Variants in CES3 observed in about 807,000 individuals in gnomAD.
CES3 encodes carboxylesterase 3 (brain).
CES3 carries 49 observed loss-of-function variants against 57.6 expected under a neutral mutation model. That is an observed-to-expected ratio of 0.85 (90% CI 0.68 to 1.08). The LOEUF is 1.08. Ranked by LOEUF, CES3 falls within the 50% of genes least tolerant of loss-of-function variation. The pLI, the probability that CES3 is intolerant of heterozygous loss-of-function variation, is 0.00. For missense variants in CES3, 645 were observed against 742.0 expected, an observed-to-expected ratio of 0.87 and a Z score of 1.52; for synonymous variants, 266 against 281.6, an observed-to-expected ratio of 0.94 and a Z score of 0.55.
At position 66,971,384 on chromosome 16, in the gene CES3, G is replaced by A. The variant is rs1019259914; in HGVS notation, c.1291+65G>A. On this transcript the variant is annotated intron_variant, in intron 10 of 12. Transcript: ENST00000303334. ...TGGGCCCAGGAGCTGGGTCATCACA[G>A]GTGACATGGCATGATAGGGTGCTGG... 7.1e-6 allele frequency: 11 copies of A among 1,547,690 alleles called. No homozygotes were observed. The African/African-American group carries it at 9.5e-5, about 13-fold the overall frequency.
chr16:66,963,192 T>C lies in CES3; in HGVS notation c.96T>C (p.Ala32=), dbSNP rs1232119697. 6.2e-7 allele frequency: 1 copy of C among 1,614,094 alleles called. No homozygotes were observed. The highest frequency in any genetic ancestry group is 8.5e-7 in the Non-Finnish European group (1 of 1,180,048). The change falls in exon 2 of 13, where the codon GCT becomes GCC. Residue 32 remains alanine, a synonymous_variant. Coordinates refer to ENST00000303334, the MANE Select transcript of CES3 (RefSeq NM_024922.6). The surrounding 1 kb of genome is among the most constrained non-coding windows in gnomAD (Gnocchi z 4.9). ...TCCTTCCCTCAGGGCCCGAAGTTGC[T>C]CAGCCTGAAGTAGACACCACCCTGG... ...CPATATGPEV[A]QPEVDTTLGR... is the part of the protein sequence containing the mutation.
At chr16:66,969,549 G>A (rs1196512924) in intron 8 of CES3, 130 bp from the exon 9 acceptor site, 1 of 792,502 alleles carries the variant, frequency 1.3e-6, no homozygotes, top group Non-Finnish European at 2.1e-6. Flanking sequence ...GGACTTTTCG[G>A]CCCCATTTTG....
rs1412350860 is a variant in CES3, at chr16:66,973,640, A to G, written c.*591A>G. 1.3e-5 allele frequency: 2 copies of G among 154,650 alleles called. No homozygotes were observed. The highest frequency in any genetic ancestry group is 3.4e-3 in the Middle Eastern group (1 of 296). The allele number at this position is 154,650 out of a possible 1,614,324, so 9.6% of individuals were successfully genotyped here. A position where few individuals can be genotyped will look rare whatever the true frequency, so the allele number is the denominator to read the frequency against. On this transcript the variant is annotated 3_prime_UTR_variant, in exon 13 of 13. Coordinates refer to ENST00000303334, the MANE Select transcript of CES3 (RefSeq NM_024922.6). ...CCCACCGACATTGTCCACCCTGGCC[A>G]GAAGGGTGCATGCCAATGGCAGAGA...
chr16:66,970,886 C>T (rs956104483), intron 9 of CES3, among the ~76,000 whole-genome samples: 15 of 152,216 alleles, frequency 9.9e-5, no homozygotes, highest in African/African-American at 3.4e-4. Context: ...CCAGGCCAGA[C>T]CCTTTGCTGG....
chr16:66,971,119 G>C, intron 9 of CES3, 53 bp from the exon 10 acceptor site: 3 of 1,555,490 alleles, frequency 1.9e-6, no homozygotes. Context: ...TCCTGGGATG[G>C]TCTGCCACAT....
intron 10 of CES3, among the ~76,000 whole-genome samples, chr16:66,972,087 T>C (rs1208743185): frequency 6.6e-6 from 1 of 152,144 alleles, no homozygotes; most frequent in East Asian, 1.9e-4. Context: ...CAGTGAGCTG[T>C]GATCATGCCA....
rs773267575 is a variant in CES3 at position 66,963,767 on chromosome 16, G to T, written c.427-35G>T. On this transcript the variant is annotated intron_variant, in intron 3 of 12. Transcript: ENST00000303334. The surrounding 1 kb of genome is among the most constrained non-coding windows in gnomAD (Gnocchi z 4.9). ...CAGGTGGGCAGCTAAGGTCTCAGGA[G>T]CTTGGGGGTCAGTGCCCCATGGCCA... is the stretch of plus-strand genomic sequence containing the variant. The T allele has an allele frequency of 1.2e-6, 2 of 1,609,210 alleles. No individual in the cohort carries two copies.
chr16:66,972,751 G>A lies in CES3; in HGVS notation c.1520+5G>A, dbSNP rs958544327. 1 of 1,614,200 alleles carries A rather than the reference G, an allele frequency of 6.2e-7. No individual in the cohort carries two copies. Among genetic ancestry groups the A allele is most frequent in the African/African-American group, 1.3e-5 (1 of 75,046 alleles). ...GACCCACTTTGCCCGGACAGGGTGAGTGAGTGACAGGGCATAGCTCGCTTT... is the reference window on the plus strand; with the variant it reads ...GACCCACTTTGCCCGGACAGGGTGAATGAGTGACAGGGCATAGCTCGCTTT... On this transcript the variant is annotated splice_donor_5th_base_variant and intron_variant, in intron 12 of 12. Coordinates refer to ENST00000303334, the MANE Select transcript of CES3 (RefSeq NM_024922.6).
chr16:66,966,549 C>A, intron 7 of CES3, 176 bp from the exon 8 acceptor site: 1 of 848,010 alleles, frequency 1.2e-6, no homozygotes, highest in South Asian at 1.7e-5. Flanking sequence ...AGAAACTGGA[C>A]GCATCTGTTG....
intron 6 of CES3, among the ~76,000 whole-genome samples, chr16:66,965,251 G>A (rs1456988361): frequency 6.6e-6 from 1 of 152,224 alleles, no homozygotes; most frequent in African/African-American, 2.4e-5. Context: ...GCCATGCCTG[G>A]GAATCTGGAC....
At position 66,963,403 on chromosome 16, in the gene CES3, G is replaced by A. The variant is rs530733407; in HGVS notation, c.287+20G>A. The A allele has an allele frequency of 6.2e-6, 10 of 1,611,722 alleles. No individual in the cohort carries two copies. In the African/African-American group the frequency reaches 1.3e-4, roughly 21 times the overall value. Reference sequence around the variant, plus strand: ...CCCAATGTGAGTAGTGCTGGTGGAGGCGGGCAAACAGGCAGGTTGCAGGAG... The same window carrying A: ...CCCAATGTGAGTAGTGCTGGTGGAGACGGGCAAACAGGCAGGTTGCAGGAG... On this transcript the variant is annotated intron_variant, in intron 2 of 12. Transcript: ENST00000303334. The surrounding 1 kb of genome is among the most constrained non-coding windows in gnomAD (Gnocchi z 4.9).
intron 8 of CES3, among the ~76,000 whole-genome samples, chr16:66,967,114 GC>G (rs1447178864): frequency 6.6e-6 from 1 of 151,440 alleles, no homozygotes; most frequent in Non-Finnish European, 1.5e-5. Flanking sequence ...ACAGAGTCTC[GC>G]TCTGTCACCC....
intron 8 of CES3, among the ~76,000 whole-genome samples, chr16:66,968,522 C>G (rs1347952645): frequency 6.6e-6 from 1 of 152,186 alleles, no homozygotes; most frequent in Non-Finnish European, 1.5e-5. Context: ...GTCTTCATGT[C>G]CATGGCTTTT....
chr16:66,971,413 C>T (rs1963831698), intron 10 of CES3, 94 bp downstream of exon 10: 1 of 1,345,794 alleles, frequency 7.4e-7, no homozygotes, highest in African/African-American at 1.4e-5. Flanking sequence ...GTGCTGGTTC[C>T]CTCAATGCCT....
chr16:66,968,990 A>G (rs1963784597), intron 8 of CES3, among the ~76,000 whole-genome samples: 1 of 152,222 alleles, frequency 6.6e-6, no homozygotes, highest in African/African-American at 2.4e-5. Context: ...CACACCATCA[A>G]CTTACAGTTG....
rs1179195006 is a variant in CES3 at position 66,973,332 on chromosome 16, C to G, written c.*283C>G. The G allele has an allele frequency of 5.5e-6, 2 of 365,200 alleles. No homozygotes were observed. Among genetic ancestry groups the G allele is most frequent in the East Asian group, 1.1e-4 (2 of 18,316 alleles). 22.6% of individuals were successfully genotyped at this position (365,200 alleles called of 1,614,324 possible). On this transcript the variant is annotated 3_prime_UTR_variant, in exon 13 of 13. Coordinates refer to ENST00000303334, the MANE Select transcript of CES3 (RefSeq NM_024922.6). ...TAGCTTCCTGGAGGACTCACTCCCC[C>G]AGGAAGCCTTCCCTGCCTTCTCTGG...
rs1191575553 is a variant in CES3 at position 66,974,043 on chromosome 16, C to T, written c.*994C>T. On this transcript the variant is annotated 3_prime_UTR_variant, in exon 13 of 13. Coordinates refer to ENST00000303334, the MANE Select transcript of CES3 (RefSeq NM_024922.6). ...CTATTGTCACAGAGAAAAGAAGAGA[C>T]CCACCCACTCGGGCTGCAAAAGGTG... The T allele has an allele frequency of 1.3e-5, 2 of 152,598 alleles. No homozygotes were observed. The highest frequency in any genetic ancestry group is 3.9e-4 in the East Asian group (2 of 5,178). The allele number at this position is 152,598 out of a possible 1,614,324, so 9.5% of individuals were successfully genotyped here.
rs903524098 is a variant in CES3 at position 66,975,122 on chromosome 16, T to C, written c.*2073T>C. On this transcript the variant is annotated 3_prime_UTR_variant, in exon 13 of 13. Transcript: ENST00000303334. ...CGCCGTGGAAGCTTTGTTCTTTCGC[T>C]CTTTGCAATAAATCTTGCTACTGCC... is the stretch of plus-strand genomic sequence containing the variant. 1 of 152,202 alleles carries C rather than the reference T, an allele frequency of 6.6e-6. No individual in the cohort carries two copies. The highest frequency in any genetic ancestry group is 1.5e-5 in the Non-Finnish European group (1 of 68,110). 9.4% of individuals were successfully genotyped at this position (152,202 alleles called of 1,614,324 possible). A position where few individuals can be genotyped will look rare whatever the true frequency, so the allele number is the denominator to read the frequency against.
At chr16:66,969,890 G>T in intron 9 of CES3, 131 bp downstream of exon 9, 1 of 735,364 alleles carries the variant, frequency 1.4e-6, no homozygotes, top group Non-Finnish European at 2.3e-6. Context: ...AAGCCCCTTT[G>T]TCTAACTGAT....
Sources: gnomAD v4.1 joint callset for allele counts (sites outside exome capture counted in the v4.1 genomes callset) on GRCh38, gnomAD v4.1.1 for gene constraint, Gnocchi (gnomAD v3.1) non-coding constraint, MANE v1.5 for transcripts, NCBI Gene and HGNC (gene_info 2026-07-23, HGNC 2026-07-21) for gene names.